MRTFA: variants seen among roughly 807,000 people sequenced by gnomAD.
MRTFA encodes myocardin related transcription factor A.
MRTFA carries 20 observed loss-of-function variants against 83.5 expected under a neutral mutation model. The ratio of observed to expected loss-of-function variants is 0.24; its 90% CI spans 0.17 to 0.35. MRTFA has a LOEUF of 0.35. MRTFA is among the 10% of genes least tolerant of loss of function. The pLI is 1.00. For synonymous variants in MRTFA, 659 were observed against 541.2 expected, an observed-to-expected ratio of 1.22 and a Z score of -3.02; for missense variants, 1,200 against 1,224.7, an observed-to-expected ratio of 0.98 and a Z score of 0.30.
chr22:40,527,203 T>G (rs1419698878), intron 3 of MRTFA, among the ~76,000 whole-genome samples: 1 of 151,892 alleles, frequency 6.6e-6, no homozygotes, highest in African/African-American at 2.4e-5. Context: ...CACTACTGAG[T>G]TTGTTTGCAC....
chr22:40,519,240 G>A (rs1156424784), intron 3 of MRTFA, among the ~76,000 whole-genome samples: 1 of 152,130 alleles, frequency 6.6e-6, no homozygotes, highest in East Asian at 1.9e-4. Context: ...TTTAGGCTTG[G>A]TGGGACCCGA....
intron 3 of MRTFA, among the ~76,000 whole-genome samples, chr22:40,478,430 T>C (rs190346360): frequency 6.6e-6 from 1 of 152,320 alleles, no homozygotes; most frequent in East Asian, 1.9e-4. Flanking sequence ...CGTACTATCT[T>C]TGTAACTTTC....
intron 3 of MRTFA, among the ~76,000 whole-genome samples, chr22:40,464,387 C>T (rs1390834370): frequency 6.9e-6 from 1 of 144,690 alleles, no homozygotes; most frequent in East Asian, 2.1e-4. Context: ...CAACTACAAA[C>T]TACACAGAAT....
chr22:40,500,058 T>C (rs1440122503), intron 3 of MRTFA, among the ~76,000 whole-genome samples: 1 of 151,476 alleles, frequency 6.6e-6, no homozygotes, highest in Non-Finnish European at 1.5e-5. Context: ...GCCTCCCTAG[T>C]AGCTGAGATT....
intron 1 of MRTFA, among the ~76,000 whole-genome samples, chr22:40,635,181 C>A (rs1162666589): frequency 2.6e-5 from 4 of 152,186 alleles, no homozygotes; most frequent in African/African-American, 9.7e-5. Flanking sequence ...AACTTCCAGC[C>A]AAAGGTTCCC....
intron 14 of MRTFA, among the ~76,000 whole-genome samples, chr22:40,414,194 T>C (rs373142943): frequency 3.9e-5 from 6 of 152,126 alleles, no homozygotes; most frequent in African/African-American, 1.4e-4. Flanking sequence ...ACACAAAAAA[T>C]TGGCCGGGCG....
chr22:40,582,679 C>A (rs931581726), intron 2 of MRTFA, among the ~76,000 whole-genome samples: 11 of 152,108 alleles, frequency 7.2e-5, no homozygotes, highest in Admixed American at 7.2e-4. Flanking sequence ...CACACACACA[C>A]ACACACACAC....
Position 40,578,269 on chromosome 22 carries a change from T to C in MRTFA, c.-22+16405A>G, listed in dbSNP as rs28713287. Among the ~76,000 whole-genome samples, 905 of 152,200 alleles carry C rather than the reference T, an allele frequency of 5.9e-3. 20 individuals are homozygous for C. The Middle Eastern group carries it at 0.061, about 10-fold the overall frequency. ...AGGCTTGGCCAGAATTCATGATCTTTTCAATAACACTACTCACTCCCACCC... is the reference window on the plus strand; with the variant it reads ...AGGCTTGGCCAGAATTCATGATCTTCTCAATAACACTACTCACTCCCACCC... On this transcript the variant is annotated intron_variant, in intron 2 of 14. Transcript: ENST00000355630.
At chr22:40,437,914 C>T (rs2053202771) in intron 4 of MRTFA, among the ~76,000 whole-genome samples, 1 of 152,104 alleles carries the variant, frequency 6.6e-6, no homozygotes, top group Non-Finnish European at 1.5e-5. Context: ...GCCTAGAATA[C>T]CAGGCACACA....
chr22:40,597,753 G>A (rs1468618218), intron 1 of MRTFA, among the ~76,000 whole-genome samples: 2 of 152,216 alleles, frequency 1.3e-5, no homozygotes, highest in African/African-American at 2.4e-5. Context: ...TAGGGTAAGC[G>A]AGAGCCTCAC....
intron 2 of MRTFA, among the ~76,000 whole-genome samples, chr22:40,558,463 A>G (rs1403555780): frequency 6.6e-6 from 1 of 151,848 alleles, no homozygotes; most frequent in Non-Finnish European, 1.5e-5. Flanking sequence ...TCACTAATTC[A>G]GAACAAACTT....
At chr22:40,473,285 G>A (rs1164244768) in intron 3 of MRTFA, among the ~76,000 whole-genome samples, 2 of 152,114 alleles carry the variant, frequency 1.3e-5, no homozygotes, top group Non-Finnish European at 2.9e-5. Flanking sequence ...TCAGCCGCCT[G>A]AGTAGCTGGG....
chr22:40,412,471 C>T (rs2052579213), intron 14 of MRTFA: 1 of 152,218 alleles, frequency 6.6e-6, no homozygotes, highest in South Asian at 2.1e-4. Context: ...CTAGCAATTC[C>T]ACTGCTGGGC....
intron 7 of MRTFA, among the ~76,000 whole-genome samples, chr22:40,425,125 T>TG (rs2052926109): frequency 6.6e-6 from 1 of 152,238 alleles, no homozygotes; most frequent in South Asian, 2.1e-4. Flanking sequence ...TGCCAAGCTC[T>TG]GGATGACTGT....
chr22:40,556,376 T>G lies in MRTFA; in HGVS notation c.-21-4009A>C, dbSNP rs374688998. Reference sequence around the variant, plus strand: ...TAGTGTGCCCAAACCTGACTGTAGTTCTGGCTGATACATTTCACAGAAAAT... The same window carrying G: ...TAGTGTGCCCAAACCTGACTGTAGTGCTGGCTGATACATTTCACAGAAAAT... On this transcript the variant is annotated intron_variant, in intron 2 of 14. Coordinates refer to ENST00000355630, the MANE Select transcript of MRTFA (RefSeq NM_020831.6). Among the ~76,000 whole-genome samples, 3 of 152,160 alleles carry G rather than the reference T, an allele frequency of 2.0e-5. No homozygotes were observed. The East Asian group carries it at 5.8e-4, about 29-fold the overall frequency.
chr22:40,517,045 C>T (rs1238670290), intron 3 of MRTFA, among the ~76,000 whole-genome samples: 2 of 152,070 alleles, frequency 1.3e-5, no homozygotes, highest in African/African-American at 4.8e-5. Context: ...GCCCCAGCCT[C>T]CCAAGCAGCT....
chr22:40,499,706 C>G (rs914881484), intron 3 of MRTFA, among the ~76,000 whole-genome samples: 2 of 152,070 alleles, frequency 1.3e-5, no homozygotes, highest in African/African-American at 4.8e-5. Flanking sequence ...ACTCTGTAAG[C>G]AACACTGGTC....
At chr22:40,573,672 G>A (rs781741508) in intron 2 of MRTFA, among the ~76,000 whole-genome samples, 1 of 152,044 alleles carries the variant, frequency 6.6e-6, no homozygotes, top group Non-Finnish European at 1.5e-5. Flanking sequence ...GGAGGCCAAG[G>A]CAGGAGAATC....
intron 3 of MRTFA, among the ~76,000 whole-genome samples, chr22:40,505,962 G>T (rs185145808): frequency 6.6e-6 from 1 of 152,140 alleles, no homozygotes; most frequent in Admixed American, 6.5e-5. Flanking sequence ...GGCCAGGCGC[G>T]GTGGCTCACA....
Sources: gnomAD v4.1 joint callset for allele counts (sites outside exome capture counted in the v4.1 genomes callset) on GRCh38, gnomAD v4.1.1 for gene constraint, MANE v1.5 for transcripts, NCBI Gene and HGNC (gene_info 2026-07-23, HGNC 2026-07-21) for gene names.